ZFAT: variants seen among roughly 807,000 people sequenced by gnomAD.
The protein encoded by ZFAT is zinc finger protein ZFAT.
Under a neutral mutation model 117.7 loss-of-function variants are expected in ZFAT, and 64 were observed. That is an observed-to-expected ratio of 0.54 (90% CI 0.44 to 0.67). The LOEUF is 0.67. Ranked by LOEUF, ZFAT falls within the 30% of genes least tolerant of loss-of-function variation. ZFAT has a pLI of 0.00. For missense variants in ZFAT, 1,433 were observed against 1,584.5 expected, an observed-to-expected ratio of 0.90 and a Z score of 1.62; for synonymous variants, 679 against 615.0, an observed-to-expected ratio of 1.10 and a Z score of -1.54.
chr8:134,497,080 G>C (rs745399029), intron 15 of ZFAT, among the ~76,000 whole-genome samples: 4 of 152,238 alleles, frequency 2.6e-5, no homozygotes, highest in African/African-American at 9.6e-5. Context: ...CAGCACGGGC[G>C]GGGTAGGTCT....
intron 13 of ZFAT, among the ~76,000 whole-genome samples, chr8:134,518,728 G>A (rs147035582): frequency 2.0e-5 from 3 of 151,772 alleles, no homozygotes; most frequent in Non-Finnish European, 4.4e-5. Flanking sequence ...TCAGTTTATA[G>A]ATGAATTCAA....
At chr8:134,754,913 C>T in the ZFAT span, among the ~76,000 whole-genome samples, 40 of 152,120 alleles carry the variant, frequency 2.6e-4, no homozygotes, top group Admixed American at 2.2e-3. Flanking sequence ...GGCCAACACA[C>T]GCAGTCAAAG....
At chr8:134,521,120 G>T (rs1256823822) in intron 12 of ZFAT, 119 bp from the exon 13 acceptor site, 3 of 612,936 alleles carry the variant, frequency 4.9e-6, no homozygotes, top group Non-Finnish European at 5.5e-6. Flanking sequence ...TCCAGCACTT[G>T]TATTCAATTC....
chr8:134,771,474 C>A, the ZFAT span, among the ~76,000 whole-genome samples: 1 of 152,162 alleles, frequency 6.6e-6, no homozygotes, highest in Non-Finnish European at 1.5e-5. Context: ...CTGCCAGTGT[C>A]TTTGCTAAAA....
the ZFAT span, among the ~76,000 whole-genome samples, chr8:134,732,490 G>C: frequency 1.3e-5 from 2 of 152,126 alleles, no homozygotes; most frequent in African/African-American, 2.4e-5. Context: ...CCTCCTGTCC[G>C]ACTCTACTTC....
upstream of ZFAT, among the ~76,000 whole-genome samples, chr8:134,716,182 C>CATATAT (rs35463896): frequency 1.3e-5 from 2 of 149,558 alleles, no homozygotes; most frequent in Non-Finnish European, 3.0e-5. Flanking sequence ...CACACACACA[C>CATATAT]ATATATATAT....
chr8:134,649,252 A>G (rs994245371), intron 2 of ZFAT, among the ~76,000 whole-genome samples: 35 of 151,810 alleles, frequency 2.3e-4, no homozygotes, highest in Admixed American at 2.3e-3. Context: ...CTAAGATAGT[A>G]TCAGAACAAG....
At chr8:134,593,284 A>T (rs1394912552) in intron 7 of ZFAT, among the ~76,000 whole-genome samples, 1 of 144,834 alleles carries the variant, frequency 6.9e-6, no homozygotes, top group Non-Finnish European at 1.5e-5. Context: ...AGAGCTTATC[A>T]GGGGCCCTTA....
At position 134,588,364 on chromosome 8, in the gene ZFAT, G is replaced by T. The variant is rs747659475; in HGVS notation, c.2595C>A (p.Leu865=). 1 of 1,592,818 alleles carries T rather than the reference G, an allele frequency of 6.3e-7. No homozygotes were observed. The highest frequency in any genetic ancestry group is 1.2e-5 in the South Asian group (1 of 86,854). Residue 865 remains leucine, a synonymous_variant, in exon 9 of 16, where the codon CTC becomes CTA. Transcript: ENST00000377838. The part of the protein sequence containing the change: ...EVSMSTISEV[L]GRRVQLKGLI... ...GCCCTTTCAGCTGAACCCTCCTCCC[G>T]AGAACCTCAGAAATGGTGCTCATGG...
the ZFAT span, among the ~76,000 whole-genome samples, chr8:134,822,570 C>T: frequency 6.6e-6 from 1 of 151,882 alleles, no homozygotes; most frequent in Non-Finnish European, 1.5e-5. Context: ...TTTTAAGTTA[C>T]CCAAGTAACT....
chr8:134,697,775 T>G (rs970330465), intron 1 of ZFAT, among the ~76,000 whole-genome samples: 1 of 147,368 alleles, frequency 6.8e-6, no homozygotes, highest in African/African-American at 2.5e-5. Context: ...AAGAAGGGGT[T>G]TCACCATGTT....
chr8:134,507,308 A>T (rs1819487639), intron 15 of ZFAT, among the ~76,000 whole-genome samples: 1 of 152,196 alleles, frequency 6.6e-6, no homozygotes, highest in Admixed American at 6.5e-5. Flanking sequence ...GGAGAGCCTG[A>T]AACACTTCAT....
chr8:134,600,507 T>C lies in ZFAT; in HGVS notation c.2404A>G (p.Thr802Ala). ...GGAGTTGAGTAGTCACAGCCATCGG[T>C]GGGACACTTCAGCAAGATGTTACTG... The part of the protein sequence containing the change: ...KHSNILLKCP[T>A]DGCDYSTPDK... Residue 802 changes from threonine to alanine, a missense_variant, in exon 7 of 16, where the codon ACC (threonine) becomes GCC (alanine). Thr to Ala is a moderately conservative substitution (Grantham distance 58). This residue lies in a region of ZFAT where 49 missense variants were observed against 81.5 expected (regional missense o/e 0.60). Transcript: ENST00000377838. 6.2e-7 allele frequency: 1 copy of C among 1,614,224 alleles called. No homozygotes were observed. The highest frequency in any genetic ancestry group is 1.3e-5 in the African/African-American group (1 of 75,066).
At chr8:134,540,546 A>G (rs1822175950) in intron 11 of ZFAT, among the ~76,000 whole-genome samples, 1 of 152,214 alleles carries the variant, frequency 6.6e-6, no homozygotes. Flanking sequence ...TGCCTGCAGC[A>G]TGCAGGCACA....
chr8:134,642,237 C>A (rs1450817664), intron 2 of ZFAT, among the ~76,000 whole-genome samples: 1 of 152,114 alleles, frequency 6.6e-6, no homozygotes, highest in African/African-American at 2.4e-5. Context: ...AATCACATAC[C>A]CCTGAAGCAT....
rs149601388 is a variant in ZFAT, at chr8:134,559,439, T to C, written c.2976+5894A>G. On this transcript the variant is annotated intron_variant, in intron 11 of 15. Coordinates refer to ENST00000377838, the MANE Select transcript of ZFAT (RefSeq NM_020863.4). ...ATCATTCTGTTGTTTGTGTGCCCCA[T>C]TGCCTATTTAACCCTTACCCTAATT... 3.7e-3 allele frequency among the ~76,000 whole-genome samples: 560 copies of C among 152,372 alleles called. 4 individuals carry two copies. Among genetic ancestry groups the C allele is most frequent in the African/African-American group, 0.013 (539 of 41,592 alleles).
At chr8:134,808,138 G>A in the ZFAT span, among the ~76,000 whole-genome samples, 2 of 152,246 alleles carry the variant, frequency 1.3e-5, no homozygotes, top group Admixed American at 6.5e-5. Context: ...CATGAGTAAG[G>A]AGCTGAGAAC....
the ZFAT span, among the ~76,000 whole-genome samples, chr8:134,749,477 C>G: frequency 6.6e-6 from 1 of 152,142 alleles, no homozygotes; most frequent in Non-Finnish European, 1.5e-5. Context: ...CAAGGGAGCT[C>G]AAGCCTCATT....
the ZFAT span, among the ~76,000 whole-genome samples, chr8:134,718,958 G>A: frequency 6.6e-6 from 1 of 152,214 alleles, no homozygotes; most frequent in Non-Finnish European, 1.5e-5. Flanking sequence ...GAGACCCGGG[G>A]TGTGCTCTGC....
Sources: allele counts gnomAD v4.1 joint callset (sites outside exome capture counted in the v4.1 genomes callset), GRCh38; gene constraint gnomAD v4.1.1; regional missense constraint gnomAD v4.1.1; transcripts MANE v1.5; gene names NCBI Gene and HGNC (gene_info 2026-07-23, HGNC 2026-07-21).